Variants in TYW1B observed in about 807,000 individuals in gnomAD.
TYW1B encodes S-adenosyl-L-methionine-dependent tRNA 4-demethylwyosine synthase TYW1B.
Under a neutral mutation model 86.9 loss-of-function variants are expected in TYW1B, and 73 were observed. The observed-to-expected ratio is 0.84, with a 90% CI of 0.70 to 1.02. TYW1B has a LOEUF of 1.02. Ranked by LOEUF, TYW1B falls within the 50% of genes least tolerant of loss-of-function variation. The probability of loss-of-function intolerance (pLI) is 0.00; values close to 1 mark genes in which losing one functional copy is unlikely to be tolerated. For missense variants in TYW1B, 637 were observed against 827.4 expected (o/e 0.77, Z 2.82); for synonymous variants, 248 against 292.8 (o/e 0.85, Z 1.56).
At chr7:72,787,037 T>C (rs1468542018) in intron 6 of TYW1B, among the ~76,000 whole-genome samples, 1 of 151,816 alleles carries the variant, frequency 6.6e-6, no homozygotes, top group Non-Finnish European at 1.5e-5. Context: ...TATATCAATA[T>C]GGGGAATGTG....
chr7:72,618,102 G>A (rs1482156216), intron 12 of TYW1B, among the ~76,000 whole-genome samples: 1 of 151,910 alleles, frequency 6.6e-6, no homozygotes, highest in Non-Finnish European at 1.5e-5. Context: ...AGGGAGTGGG[G>A]AGAAAGGCAT....
intron 1 of TYW1B, among the ~76,000 whole-genome samples, chr7:72,827,411 G>C (rs1259677004): frequency 1.3e-5 from 2 of 152,046 alleles, no homozygotes; most frequent in African/African-American, 4.8e-5. Flanking sequence ...CCATCTCGTG[G>C]GGGGGGCGGG....
intron 2 of TYW1B, among the ~76,000 whole-genome samples, chr7:72,821,298 G>C (rs1788824236): frequency 6.6e-6 from 1 of 152,152 alleles, no homozygotes; most frequent in Admixed American, 6.6e-5. Flanking sequence ...CTGATAATGA[G>C]AAAGATTCTA....
intron 10 of TYW1B, among the ~76,000 whole-genome samples, chr7:72,696,107 C>A (rs2129570315): frequency 6.6e-6 from 1 of 152,084 alleles, no homozygotes. Context: ...CCTGCCACAT[C>A]CGGCTAATTT....
intron 12 of TYW1B, among the ~76,000 whole-genome samples, chr7:72,621,096 G>A (rs1209113832): frequency 1.3e-5 from 2 of 152,106 alleles, no homozygotes; most frequent in Admixed American, 6.6e-5. Context: ...CAGTGTTGGG[G>A]GTGGAGCCCA....
chr7:72,664,642 A>T (rs1312632441), intron 11 of TYW1B, among the ~76,000 whole-genome samples: 4 of 152,276 alleles, frequency 2.6e-5, no homozygotes, highest in South Asian at 2.1e-4. Flanking sequence ...GGAAAAAAAC[A>T]AATGGGTAGC....
intron 10 of TYW1B, among the ~76,000 whole-genome samples, chr7:72,697,147 T>C (rs1190316783): frequency 6.6e-6 from 1 of 151,832 alleles, no homozygotes; most frequent in Non-Finnish European, 1.5e-5. Flanking sequence ...AAATGAGAAC[T>C]GCCCTGACCT....
chr7:72,588,359 A>G (rs1435741973), intron 13 of TYW1B, among the ~76,000 whole-genome samples: 2 of 152,202 alleles, frequency 1.3e-5, no homozygotes, highest in Non-Finnish European at 2.9e-5. Context: ...TCTAAAAGCA[A>G]CTGCTGCTGG....
chr7:72,792,604 T>C (rs1243493550), intron 6 of TYW1B, among the ~76,000 whole-genome samples: 1 of 152,204 alleles, frequency 6.6e-6, no homozygotes, highest in Non-Finnish European at 1.5e-5. Context: ...CAAACTCCCT[T>C]AGATGCCGGA....
chr7:72,739,606 CAAA>C (rs565426313), intron 8 of TYW1B, among the ~76,000 whole-genome samples: 8 of 72,772 alleles, frequency 1.1e-4, no homozygotes, highest in African/African-American at 2.6e-4. Flanking sequence ...ACTCCGTCTC[CAAA>C]AAAAAAAAAA....
At chr7:72,720,652 T>A (rs1348759998) in intron 9 of TYW1B, among the ~76,000 whole-genome samples, 1 of 152,194 alleles carries the variant, frequency 6.6e-6, no homozygotes, top group Non-Finnish European at 1.5e-5. Context: ...GCTGTTACAC[T>A]GGTCCTCCCA....
chr7:72,622,813 T>C lies in TYW1B; in HGVS notation c.1618-5974A>G, dbSNP rs200722085. On this transcript the variant is annotated intron_variant, in intron 12 of 13. Transcript: ENST00000620995. ...ACATGCATAACACACACAACACACA[T>C]GCACACACACTACACAAACACACCA... 3.3e-5 allele frequency among the ~76,000 whole-genome samples: 5 copies of C among 150,912 alleles called. No individual in the cohort carries two copies. The East Asian group carries it at 9.7e-4, about 29-fold the overall frequency.
At chr7:72,577,201 AAAAAG>A (rs1476749942) in intron 13 of TYW1B, among the ~76,000 whole-genome samples, 4 of 152,144 alleles carry the variant, frequency 2.6e-5, no homozygotes, top group East Asian at 1.9e-4. Context: ...CACAAAAAAA[AAAAAG>A]AAAAGAAAAT....
rs1364081251 is a variant in TYW1B, at chr7:72,799,156, T to C, written c.846+3244A>G. Among the ~76,000 whole-genome samples the C allele has an allele frequency of 5.0e-5, 7 of 140,300 alleles. No homozygotes were observed. The East Asian group carries it at 1.4e-3, about 29-fold the overall frequency. The allele number at this position is 140,300 out of a possible 152,430, so 92.0% of individuals were successfully genotyped here. On this transcript the variant is annotated intron_variant, in intron 6 of 13. Coordinates refer to ENST00000620995, the MANE Select transcript of TYW1B (RefSeq NM_001145440.3). ...CGGCAACTGACCGGGTCTGCCTTTTTTTTTTTTTTTTTTTTTTTTTGAGAC... is the reference window on the plus strand; with the variant it reads ...CGGCAACTGACCGGGTCTGCCTTTTCTTTTTTTTTTTTTTTTTTTTGAGAC...
intron 7 of TYW1B, among the ~76,000 whole-genome samples, chr7:72,754,002 C>T (rs529821489): frequency 1.3e-5 from 2 of 152,178 alleles, no homozygotes; most frequent in East Asian, 1.9e-4. Context: ...CTCCAAGGTA[C>T]GCCTGTCATT....
intron 13 of TYW1B, among the ~76,000 whole-genome samples, chr7:72,595,994 G>A (rs1193427408): frequency 6.6e-6 from 1 of 151,734 alleles, no homozygotes; most frequent in Non-Finnish European, 1.5e-5. Flanking sequence ...TGGCCAACAT[G>A]GTGAAATCCC....
intron 11 of TYW1B, among the ~76,000 whole-genome samples, chr7:72,664,845 A>G (rs1163711168): frequency 6.6e-6 from 1 of 152,184 alleles, no homozygotes; most frequent in Non-Finnish European, 1.5e-5. Flanking sequence ...ATGGACGGCA[A>G]AATCCATGGA....
chr7:72,735,534 T>C (rs1787181554), intron 8 of TYW1B, among the ~76,000 whole-genome samples: 1 of 145,582 alleles, frequency 6.9e-6, no homozygotes, highest in Non-Finnish European at 1.5e-5. Flanking sequence ...ATTGTGTCAC[T>C]GCACTCCAGC....
chr7:72,807,030 G>A, intron 5 of TYW1B, 36 bp downstream of exon 5: 4 of 1,594,654 alleles, frequency 2.5e-6, no homozygotes, highest in Non-Finnish European at 1.7e-6. Context: ...AAGCAGAGGG[G>A]GAAAGCATCA....
Sources: allele counts gnomAD v4.1 joint callset (sites outside exome capture counted in the v4.1 genomes callset), GRCh38; gene constraint gnomAD v4.1.1; transcripts MANE v1.5; gene names NCBI Gene and HGNC (gene_info 2026-07-23, HGNC 2026-07-21).